DNM3: variants seen among roughly 807,000 people sequenced by gnomAD.
DNM3 encodes dynamin 3.
Under a neutral mutation model 101.6 loss-of-function variants are expected in DNM3, and 47 were observed. The observed-to-expected ratio is 0.46, with a 90% CI of 0.37 to 0.59. The LOEUF (loss-of-function observed/expected upper bound fraction) is 0.59. Ranked by LOEUF, DNM3 falls within the 20% of genes least tolerant of loss-of-function variation. The probability of loss-of-function intolerance (pLI) is 0.00; values close to 1 mark genes in which losing one functional copy is unlikely to be tolerated. For missense variants in DNM3, 849 were observed against 1,085.7 expected (o/e 0.78, Z 3.06); for synonymous variants, 385 against 387.9 (o/e 0.99, Z 0.09).
chr1:171,842,069 A>G (rs989439686), intron 1 of DNM3, among the ~76,000 whole-genome samples: 6 of 152,044 alleles, frequency 3.9e-5, no homozygotes, highest in African/African-American at 7.2e-5. Flanking sequence ...CGTGCGATAC[A>G]AAGCCATTTC....
chr1:172,281,064 ATAT>A (rs968623203), intron 15 of DNM3, among the ~76,000 whole-genome samples: 3 of 147,250 alleles, frequency 2.0e-5, no homozygotes, highest in Admixed American at 6.8e-5. Context: ...AAATGTGATA[ATAT>A]TGTGTGTGTG....
intron 18 of DNM3, among the ~76,000 whole-genome samples, chr1:172,385,500 G>C (rs2069132525): frequency 6.6e-6 from 1 of 152,178 alleles, no homozygotes; most frequent in South Asian, 2.1e-4. Context: ...TACATCTTGT[G>C]TATTAGATTA....
chr1:171,969,054 A>C (rs994207681), intron 2 of DNM3, among the ~76,000 whole-genome samples: 1 of 152,200 alleles, frequency 6.6e-6, no homozygotes, highest in Non-Finnish European at 1.5e-5. Context: ...AATGACATTT[A>C]CACGAGCTTT....
At chr1:172,271,885 A>G (rs1237269553) in intron 15 of DNM3, among the ~76,000 whole-genome samples, 1 of 152,144 alleles carries the variant, frequency 6.6e-6, no homozygotes, top group East Asian at 1.9e-4. Flanking sequence ...AATCACATTC[A>G]TTAATATCCA....
intron 11 of DNM3, among the ~76,000 whole-genome samples, chr1:172,080,889 G>A (rs1355953847): frequency 2.6e-5 from 4 of 152,124 alleles, no homozygotes; most frequent in Non-Finnish European, 5.9e-5. Flanking sequence ...GGAGTTCCCT[G>A]ACCCCATAAG....
chr1:171,901,354 G>A (rs1191046247), intron 1 of DNM3, among the ~76,000 whole-genome samples: 1 of 152,068 alleles, frequency 6.6e-6, no homozygotes, highest in Non-Finnish European at 1.5e-5. Context: ...TAGGCCCTGA[G>A]CAGCTGAGGT....
chr1:172,007,238 G>C (rs1473393046), intron 4 of DNM3, among the ~76,000 whole-genome samples: 1 of 152,080 alleles, frequency 6.6e-6, no homozygotes, highest in Non-Finnish European at 1.5e-5. Flanking sequence ...CAAAATGGTT[G>C]TACAATTTTT....
intron 14 of DNM3, chr1:172,139,937 CT>C (rs889545257): frequency 6.6e-6 from 1 of 151,934 alleles, no homozygotes; most frequent in African/African-American, 2.4e-5. Flanking sequence ...TTCCCCTCCC[CT>C]TTTAAAAACA....
chr1:172,111,941 C>A (rs1479905545), intron 13 of DNM3, among the ~76,000 whole-genome samples: 1 of 151,958 alleles, frequency 6.6e-6, no homozygotes, highest in Admixed American at 6.6e-5. Context: ...ATATTGCATA[C>A]CAGAAGATTC....
At chr1:171,984,392 C>T (rs1322316057) in intron 2 of DNM3, among the ~76,000 whole-genome samples, 3 of 152,106 alleles carry the variant, frequency 2.0e-5, no homozygotes, top group Admixed American at 1.3e-4. Context: ...TGTTTCCCAC[C>T]TCCCTCCCCT....
At chr1:172,054,839 A>G (rs891932259) in intron 10 of DNM3, among the ~76,000 whole-genome samples, 1 of 152,018 alleles carries the variant, frequency 6.6e-6, no homozygotes, top group Admixed American at 6.6e-5. Flanking sequence ...GGTGCCTATA[A>G]TCTCAGCTAC....
At position 172,409,297 on chromosome 1, in the gene DNM3, A is replaced by T. The variant is rs1263525072; in HGVS notation, c.*1456A>T. The T allele has an allele frequency of 1.0e-6, 1 of 985,206 alleles. No homozygotes were observed. Among genetic ancestry groups the T allele is most frequent in the African/African-American group, 1.7e-5 (1 of 57,238 alleles). The allele number at this position is 985,206 out of a possible 1,614,324, so 61.0% of individuals were successfully genotyped here. A position where few individuals can be genotyped will look rare whatever the true frequency, so the allele number is the denominator to read the frequency against. ...TGAAATGTCTCCCTTTGAAAGTAGC[A>T]AACATGATTTGTATGTTAACTTAAC... On this transcript the variant is annotated 3_prime_UTR_variant, in exon 21 of 21. Transcript: ENST00000627582.
Position 172,093,844 on chromosome 1 carries a change from G to A in DNM3, c.1545+969G>A, listed in dbSNP as rs1027643017. On this transcript the variant is annotated intron_variant, in intron 13 of 20. Transcript: ENST00000627582. ...TGCTACTAATTTTTTTTAAACTTAG[G>A]TTGTCTTGTCCGTAACACCCTATCA... 4.0e-5 allele frequency: 38 copies of A among 950,704 alleles called. 1 individual carries two copies. The highest frequency in any genetic ancestry group is 3.8e-4 in the African/African-American group (23 of 60,360). The allele number at this position is 950,704 out of a possible 1,614,324, so 58.9% of individuals were successfully genotyped here.
At chr1:172,188,878 C>T (rs2059611526) in intron 14 of DNM3, among the ~76,000 whole-genome samples, 1 of 152,008 alleles carries the variant, frequency 6.6e-6, no homozygotes, top group Non-Finnish European at 1.5e-5. Context: ...GGAGGCCCAA[C>T]TTATTTTTTT....
intron 4 of DNM3, among the ~76,000 whole-genome samples, chr1:172,002,735 G>A (rs976589453): frequency 7.9e-5 from 12 of 151,992 alleles, no homozygotes; most frequent in African/African-American, 2.7e-4. Context: ...AAAATTTACT[G>A]TGAAAAAAAG....
intron 14 of DNM3, among the ~76,000 whole-genome samples, chr1:172,175,521 T>A (rs2059126244): frequency 6.6e-6 from 1 of 151,794 alleles, no homozygotes; most frequent in African/African-American, 2.4e-5. Flanking sequence ...AAGTATCCAT[T>A]CATATATTTA....
At chr1:172,382,314 G>T (rs1037635893) in intron 18 of DNM3, among the ~76,000 whole-genome samples, 3 of 152,124 alleles carry the variant, frequency 2.0e-5, no homozygotes, top group African/African-American at 7.2e-5. Context: ...CCATTTGGAT[G>T]GCCTCTTCTC....
intron 4 of DNM3, 33 bp downstream of exon 4, chr1:171,989,181 T>G: frequency 1.3e-6 from 2 of 1,588,846 alleles, no homozygotes; most frequent in Non-Finnish European, 1.7e-6. Flanking sequence ...GAGAAGGAAT[T>G]AAAGTGTCAG....
intron 4 of DNM3, among the ~76,000 whole-genome samples, chr1:172,008,144 T>C (rs1073940): frequency 0.29 from 43,586 of 151,164 alleles, 7,472 homozygotes; most frequent in African/African-American, 0.48. Context: ...TTTTTTTTTC[T>C]ATTTTGTAGG....
Sources: allele counts gnomAD v4.1 joint callset (sites outside exome capture counted in the v4.1 genomes callset), GRCh38; gene constraint gnomAD v4.1.1; transcripts MANE v1.5; gene names NCBI Gene and HGNC (gene_info 2026-07-23, HGNC 2026-07-21).